The following RNGTT variants were observed in gnomAD, a reference collection of about 807,000 sequenced individuals.
RNGTT encodes the protein RNA guanylyltransferase and 5'-phosphatase, also known as mRNA-capping enzyme.
Under a neutral mutation model 79.3 loss-of-function variants are expected in RNGTT, and 33 were observed. The observed-to-expected ratio is 0.42, with a 90% confidence interval of 0.32 to 0.56. The LOEUF (loss-of-function observed/expected upper bound fraction) is 0.56, where lower values mean the gene tolerates loss of function less well. RNGTT is among the 20% of genes least tolerant of loss of function. RNGTT has a pLI of 0.17. For missense variants in RNGTT, 497 were observed against 739.1 expected, an observed-to-expected ratio of 0.67 and a Z score of 3.80; for synonymous variants, 222 against 235.9, an observed-to-expected ratio of 0.94 and a Z score of 0.54.
chr6:88,791,740 C>G (rs1186800492), intron 12 of RNGTT, among the ~76,000 whole-genome samples: 1 of 151,956 alleles, frequency 6.6e-6, no homozygotes, highest in Non-Finnish European at 1.5e-5. Context: ...AGGGTTTCAC[C>G]ACGTTAGCCA....
intron 14 of RNGTT, among the ~76,000 whole-genome samples, chr6:88,646,163 A>T (rs1773547297): frequency 6.6e-6 from 1 of 152,214 alleles, no homozygotes; most frequent in East Asian, 1.9e-4. Context: ...AAAACAAACA[A>T]CCCCATCAAA....
chr6:88,883,256 T>A (rs914809491), intron 8 of RNGTT, among the ~76,000 whole-genome samples: 3 of 151,626 alleles, frequency 2.0e-5, no homozygotes, highest in Admixed American at 1.3e-4. Flanking sequence ...TGTAAATCCA[T>A]GTCTTACTTT....
At chr6:88,881,066 T>C (rs1221997594) in intron 8 of RNGTT, among the ~76,000 whole-genome samples, 3 of 152,046 alleles carry the variant, frequency 2.0e-5, no homozygotes, top group Non-Finnish European at 4.4e-5. Context: ...GGGAAAGCCA[T>C]GAAAATAATG....
intron 14 of RNGTT, among the ~76,000 whole-genome samples, chr6:88,634,782 T>C (rs1374511030): frequency 6.6e-6 from 1 of 151,980 alleles, no homozygotes; most frequent in Non-Finnish European, 1.5e-5. Flanking sequence ...TTAAAAAATA[T>C]AAAAGATGAA....
intron 11 of RNGTT, among the ~76,000 whole-genome samples, chr6:88,830,999 T>C (rs969372002): frequency 3.3e-5 from 5 of 152,216 alleles, no homozygotes; most frequent in African/African-American, 1.2e-4. Flanking sequence ...AGCTGAATTC[T>C]ACCAAAGGTA....
chr6:88,792,016 T>C (rs760033222), intron 12 of RNGTT, among the ~76,000 whole-genome samples: 2 of 152,156 alleles, frequency 1.3e-5, no homozygotes, highest in Non-Finnish European at 2.9e-5. Context: ...GTCCTAAAAT[T>C]AGAAAAGACA....
intron 11 of RNGTT, among the ~76,000 whole-genome samples, chr6:88,830,166 AAAG>A (rs1344018492): frequency 6.6e-6 from 1 of 152,192 alleles, no homozygotes; most frequent in East Asian, 1.9e-4. Context: ...AGCAAATGCA[AAAG>A]AACAGAAATC....
At chr6:88,703,593 T>C (rs1776016731) in intron 13 of RNGTT, among the ~76,000 whole-genome samples, 1 of 152,218 alleles carries the variant, frequency 6.6e-6, no homozygotes, top group Non-Finnish European at 1.5e-5. Context: ...CTATGCTCAG[T>C]ACCTGGGTGA....
intron 14 of RNGTT, among the ~76,000 whole-genome samples, chr6:88,623,139 G>A (rs1477586232): frequency 1.3e-5 from 2 of 151,884 alleles, no homozygotes; most frequent in Non-Finnish European, 2.9e-5. Flanking sequence ...AAGTGGGAGT[G>A]CCAAGGGGAG....
chr6:88,696,109 T>C (rs1775654802), intron 13 of RNGTT, among the ~76,000 whole-genome samples: 1 of 152,188 alleles, frequency 6.6e-6, no homozygotes, highest in African/African-American at 2.4e-5. Context: ...TTAATAACAG[T>C]GTAGTCTACA....
chr6:88,871,375 A>G (rs1782350655), intron 8 of RNGTT, among the ~76,000 whole-genome samples: 1 of 151,966 alleles, frequency 6.6e-6, no homozygotes, highest in African/African-American at 2.4e-5. Flanking sequence ...TTAAGTATAA[A>G]GCTATATGGT....
intron 12 of RNGTT, among the ~76,000 whole-genome samples, 163 bp from the exon 13 acceptor site, chr6:88,770,037 G>C (rs935353428): frequency 6.6e-6 from 1 of 152,092 alleles, no homozygotes; most frequent in Non-Finnish European, 1.5e-5. Flanking sequence ...CCTTCTTATT[G>C]ATGACCTTTC....
At chr6:88,792,887 C>T (rs907060431) in intron 12 of RNGTT, among the ~76,000 whole-genome samples, 7 of 152,032 alleles carry the variant, frequency 4.6e-5, no homozygotes, top group Non-Finnish European at 5.9e-5. Flanking sequence ...TCCTGCTACC[C>T]GAATGGATTT....
intron 11 of RNGTT, among the ~76,000 whole-genome samples, chr6:88,806,744 T>C (rs1779967550): frequency 6.6e-6 from 1 of 152,186 alleles, no homozygotes. Flanking sequence ...CATTACTGGG[T>C]ATATACCCAA....
chr6:88,707,562 C>CT (rs1776169366), intron 13 of RNGTT, among the ~76,000 whole-genome samples: 1 of 151,820 alleles, frequency 6.6e-6, no homozygotes, highest in Admixed American at 6.6e-5. Context: ...GAACAGGTAA[C>CT]TACCCATTTA....
intron 13 of RNGTT, among the ~76,000 whole-genome samples, chr6:88,731,418 C>T (rs924529932): frequency 2.6e-5 from 4 of 152,178 alleles, no homozygotes; most frequent in Admixed American, 1.3e-4. Flanking sequence ...ACAAAGCAAA[C>T]ACCTGAACCA....
At chr6:88,722,778 G>A (rs1430038113) in intron 13 of RNGTT, among the ~76,000 whole-genome samples, 2 of 152,260 alleles carry the variant, frequency 1.3e-5, no homozygotes, top group East Asian at 3.9e-4. Flanking sequence ...TTGGAACAAC[G>A]ATATACGGTT....
intron 13 of RNGTT, among the ~76,000 whole-genome samples, chr6:88,716,631 G>A (rs1776524718): frequency 1.3e-5 from 2 of 152,282 alleles, no homozygotes; most frequent in South Asian, 4.2e-4. Context: ...GGAATACTAT[G>A]CAGCCATAAA....
intron 8 of RNGTT, among the ~76,000 whole-genome samples, chr6:88,874,432 T>C (rs1277021401): frequency 6.6e-6 from 1 of 152,136 alleles, no homozygotes; most frequent in Non-Finnish European, 1.5e-5. Context: ...AGTTTTATTT[T>C]ACATTTGTCC....
Sources: allele counts gnomAD v4.1 joint callset (sites outside exome capture counted in the v4.1 genomes callset), GRCh38; gene constraint gnomAD v4.1.1; transcripts MANE v1.5; gene names NCBI Gene and HGNC (gene_info 2026-07-23, HGNC 2026-07-21).